Variants in ZDHHC20 observed in about 807,000 individuals in gnomAD.
The protein encoded by ZDHHC20 is palmitoyltransferase ZDHHC20.
In ZDHHC20, 43 loss-of-function variants were observed where a neutral mutation model predicts 57.8. The observed-to-expected ratio is 0.74, with a 90% CI of 0.58 to 0.96. ZDHHC20 has a LOEUF of 0.96. ZDHHC20 is among the 40% of genes least tolerant of loss of function. The probability of loss-of-function intolerance (pLI) is 0.00; values close to 1 mark genes in which losing one functional copy is unlikely to be tolerated. For missense variants in ZDHHC20, 391 were observed against 441.1 expected (o/e 0.89, Z 1.02); for synonymous variants, 157 against 153.0 (o/e 1.03, Z -0.19).
chr13:21,443,221 G>C (rs1247924375), intron 1 of ZDHHC20, among the ~76,000 whole-genome samples: 1 of 151,990 alleles, frequency 6.6e-6, no homozygotes, highest in Non-Finnish European at 1.5e-5. Flanking sequence ...TTCTCCCCTA[G>C]GAGTGGTGTT....
intron 7 of ZDHHC20, among the ~76,000 whole-genome samples, chr13:21,394,870 G>GTC (rs1876492548): frequency 6.6e-6 from 1 of 152,100 alleles, no homozygotes; most frequent in Admixed American, 6.5e-5. Flanking sequence ...CAAAGGCATT[G>GTC]TAAGTGTTAG....
chr13:21,452,394 A>C (rs1330840062), intron 1 of ZDHHC20, among the ~76,000 whole-genome samples: 1 of 152,210 alleles, frequency 6.6e-6, no homozygotes, highest in African/African-American at 2.4e-5. Flanking sequence ...CTAAAGGCAA[A>C]ATTAAAACTT....
chr13:21,437,970 C>G (rs766276586), intron 1 of ZDHHC20, among the ~76,000 whole-genome samples: 13 of 152,224 alleles, frequency 8.5e-5, no homozygotes, highest in South Asian at 2.1e-4. Flanking sequence ...GGATTACAGG[C>G]GTGAGCCACC....
chr13:21,376,869 T>C, intron 12 of ZDHHC20: 1 of 331,660 alleles, frequency 3.0e-6, no homozygotes. Context: ...AAAGAGTATT[T>C]TAAAAGGAAG....
chr13:21,381,295 C>A, intron 11 of ZDHHC20, 139 bp downstream of exon 11: 1 of 744,018 alleles, frequency 1.3e-6, no homozygotes, highest in Non-Finnish European at 2.1e-6. Flanking sequence ...CGTGAGCCAC[C>A]GCGCCCAGCA....
chr13:21,423,665 C>T (rs112900268), intron 2 of ZDHHC20, among the ~76,000 whole-genome samples: 3 of 150,708 alleles, frequency 2.0e-5, no homozygotes, highest in Non-Finnish European at 4.4e-5. Flanking sequence ...CAGAGCGAGA[C>T]TCCATCTCAA....
At chr13:21,408,761 G>C (rs1469958087) in intron 4 of ZDHHC20, among the ~76,000 whole-genome samples, 7 of 152,022 alleles carry the variant, frequency 4.6e-5, no homozygotes, top group African/African-American at 1.7e-4. Flanking sequence ...TCATAAATAG[G>C]TCTTATTATT....
At chr13:21,401,809 G>C in intron 5 of ZDHHC20, 124 bp from the exon 6 acceptor site, 2 of 798,788 alleles carry the variant, frequency 2.5e-6, no homozygotes, top group Non-Finnish European at 3.8e-6. Context: ...AATCAACCCA[G>C]AAACTAGGTT....
chr13:21,388,194 T>G (rs1874937366), intron 8 of ZDHHC20, among the ~76,000 whole-genome samples: 1 of 152,032 alleles, frequency 6.6e-6, no homozygotes, highest in Non-Finnish European at 1.5e-5. Context: ...AAGCTGAGGA[T>G]GACTAGACCA....
intron 1 of ZDHHC20, among the ~76,000 whole-genome samples, chr13:21,430,914 A>G (rs182786308): frequency 6.6e-5 from 10 of 152,284 alleles, no homozygotes; most frequent in Admixed American, 4.6e-4. Flanking sequence ...TGTACTTACT[A>G]AGAAAAGGAA....
intron 4 of ZDHHC20, among the ~76,000 whole-genome samples, chr13:21,412,596 C>T (rs1472455134): frequency 6.6e-6 from 1 of 151,978 alleles, no homozygotes; most frequent in Non-Finnish European, 1.5e-5. Context: ...GAATGAAAGC[C>T]CGTTGCCTGG....
In ZDHHC20 at chr13:21,415,634, A is replaced by G. The variant is rs147202778; in HGVS notation, c.250-1862T>C. Among the ~76,000 whole-genome samples the G allele has an allele frequency of 4.5e-3, 683 of 152,282 alleles. 5 individuals carry two copies. Among genetic ancestry groups the G allele is most frequent in the Middle Eastern group, 0.027 (8 of 294 alleles). ...AATACTTTGAGAGAAATATTTTTCT[A>G]TTTTGCAAGATGGCATGTTCTCTTT... On this transcript the variant is annotated intron_variant, in intron 3 of 12. Transcript: ENST00000400590.
At chr13:21,400,105 A>G (rs540294120) in intron 7 of ZDHHC20, among the ~76,000 whole-genome samples, 1 of 149,506 alleles carries the variant, frequency 6.7e-6, no homozygotes, top group East Asian at 1.9e-4. Context: ...ACCTCCCTAA[A>G]ATGAATATGT....
chr13:21,452,484 G>A (rs529948000), intron 1 of ZDHHC20, among the ~76,000 whole-genome samples: 11 of 152,276 alleles, frequency 7.2e-5, no homozygotes, highest in African/African-American at 2.6e-4. Context: ...CCTTCAGGCA[G>A]AAGGAAATGA....
At chr13:21,400,529 G>T in intron 6 of ZDHHC20, 36 bp from the exon 7 acceptor site, 1 of 1,523,054 alleles carries the variant, frequency 6.6e-7, no homozygotes, top group Non-Finnish European at 8.8e-7. Flanking sequence ...ATAAAAGTAA[G>T]ACAAATCACA....
In ZDHHC20 at chr13:21,382,912, A is replaced by G. The variant is rs955124159; in HGVS notation, c.944+8T>C. Reference sequence around the variant, plus strand: ...GAATATAGAAAAGCATAAGGACAATAAGCATACCTTCTGGCATACTCATTC... The same window carrying G: ...GAATATAGAAAAGCATAAGGACAATGAGCATACCTTCTGGCATACTCATTC... On this transcript the variant is annotated splice_region_variant and intron_variant, in intron 10 of 12. Transcript: ENST00000400590. The G allele has an allele frequency of 4.5e-6, 7 of 1,552,940 alleles. No individual in the cohort carries two copies. The highest frequency in any genetic ancestry group is 1.7e-4 in the Middle Eastern group (1 of 6,012).
chr13:21,450,078 T>A (rs140640507), intron 1 of ZDHHC20, among the ~76,000 whole-genome samples: 2 of 152,118 alleles, frequency 1.3e-5, no homozygotes, highest in South Asian at 4.1e-4. Context: ...ATTATCCAGA[T>A]GGAGAATGAC....
chr13:21,448,205 C>T (rs1883995621), intron 1 of ZDHHC20, among the ~76,000 whole-genome samples: 1 of 96,792 alleles, frequency 1.0e-5, no homozygotes, highest in Non-Finnish European at 2.6e-5. Context: ...GGGGTCAGCC[C>T]CCCGCCCGGC....
intron 1 of ZDHHC20, among the ~76,000 whole-genome samples, chr13:21,444,134 C>T (rs1593275937): frequency 6.6e-6 from 1 of 152,246 alleles, no homozygotes; most frequent in East Asian, 1.9e-4. Context: ...CTACCCTGGG[C>T]AACAGAGCGA....
Sources: gnomAD v4.1 joint callset for allele counts (sites outside exome capture counted in the v4.1 genomes callset) on GRCh38, gnomAD v4.1.1 for gene constraint, MANE v1.5 for transcripts, NCBI Gene and HGNC (gene_info 2026-07-23, HGNC 2026-07-21) for gene names.